GRB10: variants seen among roughly 807,000 people sequenced by gnomAD.
GRB10 encodes the protein growth factor receptor bound protein 10.
Under a neutral mutation model 80.9 loss-of-function variants are expected in GRB10, and 20 were observed. That is an observed-to-expected ratio of 0.25 (90% CI 0.17 to 0.36). GRB10 has a LOEUF of 0.36. Ranked by LOEUF, GRB10 falls within the 10% of genes least tolerant of loss-of-function variation. GRB10 has a pLI of 1.00. For missense variants in GRB10, 548 were observed against 747.7 expected, an observed-to-expected ratio of 0.73 and a Z score of 3.12; for synonymous variants, 291 against 291.5, an observed-to-expected ratio of 1.00 and a Z score of 0.02.
At chr7:50,681,000 A>T (rs1363029169) in intron 5 of GRB10, among the ~76,000 whole-genome samples, 3 of 152,200 alleles carry the variant, frequency 2.0e-5, no homozygotes, top group Admixed American at 2.0e-4. Context: ...ATAACACAAA[A>T]TATGGAGACT....
At chr7:50,615,653 T>C (rs909079582) in intron 11 of GRB10, among the ~76,000 whole-genome samples, 4 of 152,180 alleles carry the variant, frequency 2.6e-5, no homozygotes, top group African/African-American at 4.8e-5. Context: ...TGGACAAGGC[T>C]CCTGCCACAG....
At chr7:50,652,994 C>G (rs2058169975) in intron 7 of GRB10, among the ~76,000 whole-genome samples, 2 of 152,222 alleles carry the variant, frequency 1.3e-5, no homozygotes, top group Non-Finnish European at 2.9e-5. Context: ...CTACTAGAAT[C>G]TTACTGGAAT....
At chr7:50,692,473 G>A (rs2299154) in intron 5 of GRB10, among the ~76,000 whole-genome samples, 8,698 of 152,092 alleles carry the variant, frequency 0.057, 330 homozygotes, top group East Asian at 0.17. Flanking sequence ...AACTGCTGCC[G>A]ATATCTCATG....
intron 2 of GRB10, among the ~76,000 whole-genome samples, chr7:50,765,875 A>C (rs1276960605): frequency 6.6e-6 from 1 of 152,258 alleles, no homozygotes; most frequent in Non-Finnish European, 1.5e-5. Flanking sequence ...GGTGGTGGGT[A>C]TATTAAGTAC....
chr7:50,779,042 T>C (rs2078000571), intron 2 of GRB10: 1 of 152,224 alleles, frequency 6.6e-6, no homozygotes, highest in African/African-American at 2.4e-5. Flanking sequence ...CATTTAAGAA[T>C]GTCATTTACA....
chr7:50,724,398 A>G (rs1447719019), intron 4 of GRB10, among the ~76,000 whole-genome samples: 1 of 152,240 alleles, frequency 6.6e-6, no homozygotes, highest in African/African-American at 2.4e-5. Context: ...TAAGTTCAAC[A>G]TTCAAATTGC....
intron 8 of GRB10, among the ~76,000 whole-genome samples, chr7:50,619,582 C>T (rs761195730): frequency 2.0e-5 from 3 of 152,042 alleles, no homozygotes; most frequent in Non-Finnish European, 4.4e-5. Context: ...AATGATTTTG[C>T]CCTTAAATTG....
intron 2 of GRB10, among the ~76,000 whole-genome samples, chr7:50,759,655 C>T (rs1020881800): frequency 1.2e-4 from 18 of 152,062 alleles, no homozygotes; most frequent in African/African-American, 3.6e-4. Flanking sequence ...ATATTTTTAT[C>T]CATGGTTAGT....
rs79348087 is a variant in GRB10 at position 50,711,302 on chromosome 7, T to G, written c.52-7394A>C. ...CTCTCCTGCAGCTACCCTCAGATTT[T>G]TGGTGCAAAGGAGAAGACGCAATCC... is the stretch of plus-strand genomic sequence containing the variant. On this transcript the variant is annotated intron_variant, in intron 4 of 18. Transcript: ENST00000401949. Among the ~76,000 whole-genome samples, 827 of 151,586 alleles carry G rather than the reference T, an allele frequency of 5.5e-3. 8 individuals are homozygous for G. Among genetic ancestry groups the G allele is most frequent in the Non-Finnish European group, 4.5e-3 (307 of 67,852 alleles).
chr7:50,645,779 G>A (rs2057090103), intron 7 of GRB10: 1 of 242,226 alleles, frequency 4.1e-6, no homozygotes, highest in Non-Finnish European at 6.7e-6. Flanking sequence ...TAGATTGCCT[G>A]GACACAGTCC....
intron 4 of GRB10, among the ~76,000 whole-genome samples, chr7:50,717,685 T>C (rs1268254803): frequency 6.6e-6 from 1 of 152,252 alleles, no homozygotes; most frequent in Non-Finnish European, 1.5e-5. Flanking sequence ...TCATTATCAG[T>C]AGATCTGAAG....
intron 7 of GRB10, chr7:50,645,598 C>A: frequency 1.0e-6 from 1 of 985,134 alleles, no homozygotes; most frequent in Non-Finnish European, 1.2e-6. Context: ...GCACATCTTA[C>A]CCCCATCCTC....
At chr7:50,677,617 A>T (rs1362493608) in intron 5 of GRB10, among the ~76,000 whole-genome samples, 1 of 152,140 alleles carries the variant, frequency 6.6e-6, no homozygotes, top group Non-Finnish European at 1.5e-5. Flanking sequence ...TCACGCACCC[A>T]CTCATCTCCT....
At chr7:50,696,678 A>G (rs991606876) in intron 5 of GRB10, among the ~76,000 whole-genome samples, 2 of 152,254 alleles carry the variant, frequency 1.3e-5, no homozygotes, top group African/African-American at 2.4e-5. Flanking sequence ...TATGAGCAGT[A>G]ACAACAATCA....
At chr7:50,758,636 C>A (rs555056926) in intron 2 of GRB10, among the ~76,000 whole-genome samples, 1 of 152,274 alleles carries the variant, frequency 6.6e-6, no homozygotes, top group South Asian at 2.1e-4. Context: ...GGCCAGAGAG[C>A]TCTGGAGTGA....
At chr7:50,735,324 T>C (rs993032272) in intron 3 of GRB10, among the ~76,000 whole-genome samples, 2 of 152,156 alleles carry the variant, frequency 1.3e-5, no homozygotes, top group Non-Finnish European at 2.9e-5. Flanking sequence ...CGGTAAGACA[T>C]GCTGTGTTGG....
intron 7 of GRB10, among the ~76,000 whole-genome samples, chr7:50,663,223 G>C (rs1214518507): frequency 6.6e-6 from 1 of 152,102 alleles, no homozygotes; most frequent in Non-Finnish European, 1.5e-5. Flanking sequence ...GGGACCCCAG[G>C]CAGCCCCCTC....
chr7:50,669,694 C>T (rs1374030235), intron 7 of GRB10, 28 bp downstream of exon 7: 1 of 1,608,396 alleles, frequency 6.2e-7, no homozygotes. Context: ...TATCCCTCAG[C>T]CTGGGCTCCA....
chr7:50,606,782 GAC>G (rs1385067174), intron 13 of GRB10: 6 of 318,974 alleles, frequency 1.9e-5, no homozygotes, highest in African/African-American at 4.3e-5. Context: ...AATCATAAGA[GAC>G]AATACAATTA....
Sources: gnomAD v4.1 joint callset for allele counts (sites outside exome capture counted in the v4.1 genomes callset) on GRCh38, gnomAD v4.1.1 for gene constraint, MANE v1.5 for transcripts, NCBI Gene and HGNC (gene_info 2026-07-23, HGNC 2026-07-21) for gene names.